The following CCPG1 variants were observed in gnomAD, a reference collection of about 807,000 sequenced individuals.
CCPG1 encodes cell cycle progression 1, also known as cell cycle progression protein 1.
Under a neutral mutation model 81.3 loss-of-function variants are expected in CCPG1, and 46 were observed. The observed-to-expected ratio is 0.57, with a 90% CI of 0.45 to 0.72. CCPG1 has a LOEUF of 0.72. CCPG1 is among the 30% of genes least tolerant of loss of function. The pLI is 0.00. For synonymous variants in CCPG1, 330 were observed against 305.2 expected, an observed-to-expected ratio of 1.08 and a Z score of -0.85; for missense variants, 902 against 937.6, an observed-to-expected ratio of 0.96 and a Z score of 0.50.
chr15:55,371,616 T>C (rs933757847), intron 6 of CCPG1, among the ~76,000 whole-genome samples, 177 bp downstream of exon 6: 4 of 152,202 alleles, frequency 2.6e-5, no homozygotes, highest in Non-Finnish European at 5.9e-5. Context: ...AATAAAAAGC[T>C]TTGTGAGATA....
chr15:55,377,032 A>G lies in CCPG1; in HGVS notation c.371T>C (p.Ile124Thr), dbSNP rs1183076361. The G allele has an allele frequency of 6.2e-7, 1 of 1,613,976 alleles. No individual in the cohort carries two copies. The stretch of plus-strand genomic sequence containing the variant: ...TTCTGAACTCTGTGCTTCTTCAACA[A>G]TGACAACTTCTTGATTTCCAATTTC... Reference protein sequence around the residue: ...LEEIGNQEVVIVEEAQSSEDF... With the variant: ...LEEIGNQEVVTVEEAQSSEDF... Residue 124 changes from isoleucine to threonine, a missense_variant, in exon 5 of 9, where the codon ATT (isoleucine) becomes ACT (threonine). Transcript: ENST00000442196.
In CCPG1 at chr15:55,355,606, A is replaced by T; in HGVS notation, c.*614T>A. 2.2e-6 allele frequency: 1 copy of T among 447,042 alleles called. No individual in the cohort carries two copies. Among genetic ancestry groups the T allele is most frequent in the Non-Finnish European group, 3.9e-6 (1 of 256,952 alleles). The allele number at this position is 447,042 out of a possible 1,614,324, so 27.7% of individuals were successfully genotyped here. A position where few individuals can be genotyped will look rare whatever the true frequency, so the allele number is the denominator to read the frequency against. ...ACCACATAGTATAAAATTACATGTT[A>T]ATACAATGCCAGATTTTAAATAAAG... On this transcript the variant is annotated 3_prime_UTR_variant, in exon 9 of 9. Transcript: ENST00000442196.
At chr15:55,386,117 C>T (rs2414412) in intron 2 of CCPG1, among the ~76,000 whole-genome samples, 26,859 of 150,154 alleles carry the variant, frequency 0.18, 4,123 homozygotes, top group African/African-American at 0.42. Flanking sequence ...TGGCTGGGCA[C>T]GGTGGCTCAC....
At position 55,371,849 on chromosome 15, in the gene CCPG1, T is replaced by G; in HGVS notation, c.650A>C (p.Lys217Thr). The G allele has an allele frequency of 6.2e-7, 1 of 1,614,104 alleles. No individual in the cohort carries two copies. The highest frequency in any genetic ancestry group is 8.5e-7 in the Non-Finnish European group (1 of 1,180,010). Residue 217 changes from lysine (K) to threonine (T), a missense_variant, in exon 6 of 9, where the codon AAG becomes ACG. This residue lies in a region of CCPG1 where 746 missense variants were observed against 728.6 expected (regional missense o/e 1.02). Coordinates refer to ENST00000442196, the MANE Select transcript of CCPG1 (RefSeq NM_001204450.2). ...AATCACCAAAGCAAGTATAACACACTTATTGAGACCACTACTGAACTGACG... is the reference window on the plus strand; with the variant it reads ...AATCACCAAAGCAAGTATAACACACGTATTGAGACCACTACTGAACTGACG... The part of the protein sequence containing the change: ...SKRQFSSGLN[K>T]CVILALVIAI...
In CCPG1 at chr15:55,356,408, G is replaced by A. The variant is rs2056077576; in HGVS notation, c.2236C>T (p.Arg746Ter). The change falls in exon 9 of 9, where the codon CGA (arginine) becomes TGA (stop). Residue 746 changes from arginine (R) to a stop codon, truncating the protein, a stop_gained and splice_region_variant. Coordinates refer to ENST00000442196, the MANE Select transcript of CCPG1 (RefSeq NM_001204450.2). LOFTEE classifies it high-confidence loss of function. ...HTFSPPYGPS[R>*]PDKKQRMVNI... ...ACCATACGTTGCTTTTTATCAGGTC[G>A]ACTGAAAGCAGTAAACACATTTTTC... 2.0e-6 allele frequency: 3 copies of A among 1,518,750 alleles called. No individual in the cohort carries two copies. The highest frequency in any genetic ancestry group is 1.2e-5 in the South Asian group (1 of 80,934). The allele number at this position is 1,518,750 out of a possible 1,614,324, so 94.1% of individuals were successfully genotyped here. A position where few individuals can be genotyped will look rare whatever the true frequency, so the allele number is the denominator to read the frequency against.
intron 6 of CCPG1, 118 bp from the exon 7 acceptor site, chr15:55,365,427 T>C: frequency 1.6e-6 from 1 of 643,446 alleles, no homozygotes; most frequent in Admixed American, 3.5e-5. Context: ...TTGTTTTTTT[T>C]TTTTGTTTTT....
intron 3 of CCPG1, among the ~76,000 whole-genome samples, chr15:55,382,558 A>G (rs1463709128): frequency 6.9e-6 from 1 of 145,634 alleles, no homozygotes; most frequent in Non-Finnish European, 1.5e-5. Flanking sequence ...TGCCCAGGCT[A>G]GAGTGCAGTG....
At chr15:55,377,776 A>G (rs1021030329) in intron 4 of CCPG1, among the ~76,000 whole-genome samples, 1 of 152,228 alleles carries the variant, frequency 6.6e-6, no homozygotes, top group East Asian at 1.9e-4. Flanking sequence ...TGCCATTTGG[A>G]AACAAGACAG....
intron 1 of CCPG1, among the ~76,000 whole-genome samples, chr15:55,396,888 G>C (rs528117464): frequency 6.6e-6 from 1 of 152,008 alleles, no homozygotes; most frequent in African/African-American, 2.4e-5. Flanking sequence ...GGATCGCCTA[G>C]CAGGAGAGAG....
chr15:55,357,464 G>A (rs1044206904), intron 8 of CCPG1: 30 of 982,302 alleles, frequency 3.1e-5, no homozygotes, highest in East Asian at 1.1e-4. Context: ...TAGTCCCACC[G>A]TATCCACGGC....
At chr15:55,381,085 C>T (rs1281091193) in intron 3 of CCPG1, among the ~76,000 whole-genome samples, 6 of 151,352 alleles carry the variant, frequency 4.0e-5, no homozygotes, top group African/African-American at 9.7e-5. Context: ...TGCAGCGAGC[C>T]GAGATCCCGC....
At chr15:55,389,829 T>A (rs947286550) in intron 1 of CCPG1, among the ~76,000 whole-genome samples, 2 of 152,170 alleles carry the variant, frequency 1.3e-5, no homozygotes, top group Non-Finnish European at 2.9e-5. Context: ...CTGCAGAAAC[T>A]GAGAAGCACA....
At chr15:55,399,512 C>T (rs2057086382) in intron 1 of CCPG1, among the ~76,000 whole-genome samples, 1 of 151,372 alleles carries the variant, frequency 6.6e-6, no homozygotes, top group Non-Finnish European at 1.5e-5. Flanking sequence ...TGGCTTGAAT[C>T]CAGGAGGCAG....
intron 1 of CCPG1, among the ~76,000 whole-genome samples, chr15:55,394,664 T>C (rs1205172033): frequency 6.6e-6 from 1 of 152,076 alleles, no homozygotes; most frequent in Non-Finnish European, 1.5e-5. Context: ...CAGCCAATTA[T>C]CCCACAGAAC....
At chr15:55,401,795 G>A (rs535011412) in intron 1 of CCPG1, among the ~76,000 whole-genome samples, 2 of 152,236 alleles carry the variant, frequency 1.3e-5, no homozygotes, top group South Asian at 4.1e-4. Flanking sequence ...AACTTTAAGA[G>A]TAAGTATTCT....
chr15:55,384,496 T>C (rs982708588), intron 3 of CCPG1, among the ~76,000 whole-genome samples: 2 of 151,960 alleles, frequency 1.3e-5, no homozygotes, highest in African/African-American at 2.4e-5. Flanking sequence ...TCCGTCTCTA[T>C]TAAAAACACA....
At chr15:55,361,584 T>C (rs2056197463) in intron 7 of CCPG1, among the ~76,000 whole-genome samples, 1 of 151,452 alleles carries the variant, frequency 6.6e-6, no homozygotes. Flanking sequence ...CATGCACCTG[T>C]AGTCCCAGCT....
At chr15:55,380,742 C>T (rs925174498) in intron 3 of CCPG1, among the ~76,000 whole-genome samples, 4 of 152,018 alleles carry the variant, frequency 2.6e-5, no homozygotes, top group African/African-American at 7.2e-5. Flanking sequence ...GGGCCAGGCG[C>T]GGTGACTCAT....
intron 8 of CCPG1, chr15:55,357,776 G>A (rs1331375985): frequency 6.6e-6 from 1 of 152,150 alleles, no homozygotes; most frequent in African/African-American, 2.4e-5. Flanking sequence ...CTGAACCCAG[G>A]AGACAGAGGT....
Sources: allele counts gnomAD v4.1 joint callset (sites outside exome capture counted in the v4.1 genomes callset), GRCh38; gene constraint gnomAD v4.1.1; regional missense constraint gnomAD v4.1.1; transcripts MANE v1.5; gene names NCBI Gene and HGNC (gene_info 2026-07-23, HGNC 2026-07-21).